Variants in CACUL1 observed in about 807,000 individuals in gnomAD.
CACUL1 encodes CDK2 associated cullin domain 1.
CACUL1 carries 13 observed loss-of-function variants against 45.2 expected under a neutral mutation model. That is an observed-to-expected ratio of 0.29 (90% CI 0.19 to 0.46). The LOEUF (loss-of-function observed/expected upper bound fraction) is 0.46. Ranked by LOEUF, CACUL1 falls within the 20% of genes least tolerant of loss-of-function variation. The probability of loss-of-function intolerance (pLI) is 1.00; values close to 1 mark genes in which losing one functional copy is unlikely to be tolerated. For missense variants in CACUL1, 421 were observed against 471.4 expected, an observed-to-expected ratio of 0.89 and a Z score of 0.99; for synonymous variants, 197 against 174.2, an observed-to-expected ratio of 1.13 and a Z score of -1.03.
At chr10:118,706,788 TA>T (rs1845436332) in intron 4 of CACUL1, among the ~76,000 whole-genome samples, 1 of 152,146 alleles carries the variant, frequency 6.6e-6, no homozygotes, top group African/African-American at 2.4e-5. Flanking sequence ...CCTTCTAAAT[TA>T]AAGACAGGGG....
At chr10:118,743,345 A>G (rs1845809716) in intron 1 of CACUL1, among the ~76,000 whole-genome samples, 1 of 152,152 alleles carries the variant, frequency 6.6e-6, no homozygotes, top group African/African-American at 2.4e-5. Flanking sequence ...AACCCCACAA[A>G]TCCAAAAAAT....
intron 4 of CACUL1, among the ~76,000 whole-genome samples, chr10:118,705,118 A>AT (rs947470621): frequency 1.8e-4 from 27 of 151,538 alleles, no homozygotes; most frequent in African/African-American, 5.6e-4. Flanking sequence ...TTTACTGGTT[A>AT]TTTTTTTTTA....
chr10:118,722,735 A>C (rs1283473530), intron 3 of CACUL1, among the ~76,000 whole-genome samples: 1 of 152,228 alleles, frequency 6.6e-6, no homozygotes, highest in African/African-American at 2.4e-5. Context: ...AGGAGGAAGA[A>C]ATCTACTCCA....
At chr10:118,705,747 T>C (rs986103619) in intron 4 of CACUL1, among the ~76,000 whole-genome samples, 25 of 152,356 alleles carry the variant, frequency 1.6e-4, no homozygotes, top group Admixed American at 1.6e-3. Context: ...TAAAAAAATT[T>C]GTTTCTGTGA....
At chr10:118,720,519 T>C (rs1845589980) in intron 3 of CACUL1, among the ~76,000 whole-genome samples, 1 of 152,240 alleles carries the variant, frequency 6.6e-6, no homozygotes, top group Admixed American at 6.5e-5. Context: ...CAATTCATAA[T>C]TGTACTCTGT....
chr10:118,712,256 A>C (rs534440924), intron 3 of CACUL1, among the ~76,000 whole-genome samples: 8 of 152,260 alleles, frequency 5.3e-5, no homozygotes, highest in African/African-American at 1.9e-4. Flanking sequence ...GGCTCATGCT[A>C]CTGGCCTGGG....
intron 1 of CACUL1, among the ~76,000 whole-genome samples, chr10:118,741,856 A>G (rs956489921): frequency 6.6e-6 from 1 of 152,168 alleles, no homozygotes; most frequent in African/African-American, 2.4e-5. Flanking sequence ...CATGTTTAAC[A>G]TGAGCCAGTC....
chr10:118,713,080 C>A (rs1845506742), intron 3 of CACUL1, among the ~76,000 whole-genome samples: 2 of 152,228 alleles, frequency 1.3e-5, no homozygotes, highest in South Asian at 2.1e-4. Context: ...GCCCTCAGCA[C>A]CCCTTGGCTT....
chr10:118,686,543 T>A (rs1281165047), intron 8 of CACUL1, 55 bp downstream of exon 8: 1 of 1,327,294 alleles, frequency 7.5e-7, no homozygotes, highest in African/African-American at 1.4e-5. Context: ...AGTGCATTAA[T>A]ATGGCTGCTT....
chr10:118,722,337 C>G (rs1216822790), intron 3 of CACUL1, among the ~76,000 whole-genome samples: 1 of 152,104 alleles, frequency 6.6e-6, no homozygotes, highest in Non-Finnish European at 1.5e-5. Context: ...ATCTTGCCCG[C>G]CTCAGCCTCC....
intron 3 of CACUL1, among the ~76,000 whole-genome samples, chr10:118,719,811 CAA>C (rs896242969): frequency 4.8e-5 from 6 of 124,992 alleles, no homozygotes; most frequent in Admixed American, 8.2e-5. Context: ...AATTCCGTCT[CAA>C]AAAAAAAAAA....
At chr10:118,736,563 A>C (rs1845742663) in intron 1 of CACUL1, among the ~76,000 whole-genome samples, 1 of 147,164 alleles carries the variant, frequency 6.8e-6, no homozygotes, top group African/African-American at 2.6e-5. Flanking sequence ...GCTGGTCTTA[A>C]AACTCCTGGG....
At chr10:118,754,050 G>A (rs183529955) in intron 1 of CACUL1, among the ~76,000 whole-genome samples, 678 of 152,304 alleles carry the variant, frequency 4.5e-3, no homozygotes, top group Non-Finnish European at 7.2e-3. Flanking sequence ...CACTTTGAGG[G>A]TGAAACTTCA....
At position 118,695,152 on chromosome 10, in the gene CACUL1, G is replaced by T; in HGVS notation, c.875C>A (p.Thr292Asn). The change falls in exon 6 of 9, where the codon ACC (threonine) becomes AAC (asparagine). Residue 292 changes from threonine (T) to asparagine (N), a missense_variant. Coordinates refer to ENST00000369151, the MANE Select transcript of CACUL1 (RefSeq NM_153810.5). ...TMANIVKGLY[T>N]LRPEWVQMAP... ...TGAGAAATGTTTACCTGGTCTGAGG[G>T]TATACAGGCCTTTCACAATATTTGC... 1 of 1,581,498 alleles carries T rather than the reference G, an allele frequency of 6.3e-7. No homozygotes were observed. Among genetic ancestry groups the T allele is most frequent in the South Asian group, 1.1e-5 (1 of 90,424 alleles).
chr10:118,744,113 C>T (rs568045018), intron 1 of CACUL1, among the ~76,000 whole-genome samples: 2 of 152,284 alleles, frequency 1.3e-5, no homozygotes, highest in Non-Finnish European at 2.9e-5. Flanking sequence ...AGGCCGGATG[C>T]GGTGGCTCAC....
At chr10:118,729,150 T>C in intron 3 of CACUL1, 145 bp downstream of exon 3, 1 of 595,564 alleles carries the variant, frequency 1.7e-6, no homozygotes, top group Non-Finnish European at 2.9e-6. Context: ...AAAAATTACA[T>C]GATTTGATCA....
At chr10:118,732,776 C>T (rs937659025) in intron 1 of CACUL1, among the ~76,000 whole-genome samples, 5 of 152,096 alleles carry the variant, frequency 3.3e-5, no homozygotes, top group Non-Finnish European at 7.4e-5. Context: ...CCAGGGTCAC[C>T]GTCTTGCTCT....
rs148637698 is a variant in CACUL1, at chr10:118,752,247, A to C, written c.367+2149T>G. Among the ~76,000 whole-genome samples, 125 of 152,260 alleles carry C rather than the reference A, an allele frequency of 8.2e-4. No individual in the cohort carries two copies. In the East Asian group the frequency reaches 0.017, roughly 21 times the overall value. ...CATCCTTATCTTGTTACGGATCTTA[A>C]AGTATATGTATCTAAAATTTCTCCA... On this transcript the variant is annotated intron_variant, in intron 1 of 8. Transcript: ENST00000369151.
At chr10:118,743,222 A>T (rs915842868) in intron 1 of CACUL1, among the ~76,000 whole-genome samples, 3 of 152,178 alleles carry the variant, frequency 2.0e-5, no homozygotes, top group Non-Finnish European at 4.4e-5. Flanking sequence ...AAAAATGAAC[A>T]GAACCTCAGT....
Sources: gnomAD v4.1 joint callset for allele counts (sites outside exome capture counted in the v4.1 genomes callset) on GRCh38, gnomAD v4.1.1 for gene constraint, MANE v1.5 for transcripts, NCBI Gene and HGNC (gene_info 2026-07-23, HGNC 2026-07-21) for gene names.